Variants in FSHR observed in about 807,000 individuals in gnomAD.
FSHR encodes follicle stimulating hormone receptor.
FSHR carries 46 observed loss-of-function variants against 52.1 expected under a neutral mutation model. That is an observed-to-expected ratio of 0.88 (90% CI 0.70 to 1.13). FSHR has a LOEUF of 1.13. FSHR is among the 50% of genes most tolerant of loss of function. The pLI, the probability that FSHR is intolerant of heterozygous loss-of-function variation, is 0.00. For missense variants in FSHR, 964 were observed against 834.6 expected (o/e 1.16, Z -1.91); for synonymous variants, 399 against 309.6 (o/e 1.29, Z -3.03).
intron 2 of FSHR, among the ~76,000 whole-genome samples, chr2:49,037,288 T>G (rs764928052): frequency 6.6e-6 from 1 of 152,234 alleles, no homozygotes; most frequent in Non-Finnish European, 1.5e-5. Context: ...CTAATTTAAA[T>G]GTTATAACAG....
intron 2 of FSHR, among the ~76,000 whole-genome samples, chr2:49,063,869 G>A (rs1365382586): frequency 2.0e-5 from 3 of 152,014 alleles, no homozygotes; most frequent in Admixed American, 2.0e-4. Context: ...TGAGGTGTGA[G>A]ATATGTTAAT....
chr2:49,063,334 G>A (rs1182345525), intron 2 of FSHR, among the ~76,000 whole-genome samples: 1 of 152,070 alleles, frequency 6.6e-6, no homozygotes, highest in Non-Finnish European at 1.5e-5. Flanking sequence ...ATATGTCAAA[G>A]ACCTATTTGC....
intron 1 of FSHR, among the ~76,000 whole-genome samples, chr2:49,095,458 C>G (rs1013705827): frequency 6.6e-6 from 1 of 152,066 alleles, no homozygotes; most frequent in Non-Finnish European, 1.5e-5. Flanking sequence ...TACCTCACAT[C>G]GTTTGTAAAT....
intron 2 of FSHR, among the ~76,000 whole-genome samples, chr2:49,066,121 G>A (rs1355458731): frequency 6.6e-6 from 1 of 152,150 alleles, no homozygotes; most frequent in African/African-American, 2.4e-5. Flanking sequence ...GAGAGGCAGT[G>A]AATGTAGGCA....
At chr2:49,060,852 T>A (rs1669263988) in intron 2 of FSHR, among the ~76,000 whole-genome samples, 1 of 152,174 alleles carries the variant, frequency 6.6e-6, no homozygotes, top group African/African-American at 2.4e-5. Flanking sequence ...TTTGCCATTC[T>A]GGGATACTTG....
At chr2:48,977,306 T>G (rs1471353946) in intron 8 of FSHR, among the ~76,000 whole-genome samples, 1 of 152,154 alleles carries the variant, frequency 6.6e-6, no homozygotes, top group Non-Finnish European at 1.5e-5. Context: ...TGGGACGGGA[T>G]TAGATCTCTG....
chr2:49,090,757 T>C (rs1670575699), intron 1 of FSHR, among the ~76,000 whole-genome samples: 1 of 152,234 alleles, frequency 6.6e-6, no homozygotes, highest in African/African-American at 2.4e-5. Flanking sequence ...CCAGGTGCTC[T>C]ACATCCTTGT....
chr2:49,127,808 C>G (rs867908907), intron 1 of FSHR, among the ~76,000 whole-genome samples: 1 of 57,662 alleles, frequency 1.7e-5, no homozygotes, highest in Non-Finnish European at 3.1e-5. Context: ...TCTTCTTCTT[C>G]TTCTTCTTCT....
chr2:49,075,632 CT>C lies in FSHR; in HGVS notation c.153-7343del, dbSNP rs554843887. On this transcript the variant is annotated intron_variant, in intron 1 of 9. Transcript: ENST00000406846. ...AGAACTCTACAATTTTATAACATTA[CT>C]TTTTTTTTTCTTTTGAGACAGTCTT... Among the ~76,000 whole-genome samples the C allele has an allele frequency of 1.4e-3, 207 of 149,828 alleles. No individual in the cohort carries two copies. The Middle Eastern group carries it at 0.031, about 23-fold the overall frequency.
At chr2:49,036,296 A>C (rs1668269151) in intron 2 of FSHR, among the ~76,000 whole-genome samples, 1 of 152,108 alleles carries the variant, frequency 6.6e-6, no homozygotes, top group Non-Finnish European at 1.5e-5. Context: ...CACCAAAAAA[A>C]GGTTAGACTT....
intron 5 of FSHR, 28 bp downstream of exon 5, chr2:48,990,538 T>C: frequency 7.0e-7 from 1 of 1,430,972 alleles, no homozygotes; most frequent in African/African-American, 1.4e-5. Flanking sequence ...GAGTAAAGAG[T>C]TGGTAGTCAC....
intron 8 of FSHR, among the ~76,000 whole-genome samples, chr2:48,973,643 G>C (rs1414817534): frequency 1.3e-5 from 2 of 152,158 alleles, no homozygotes; most frequent in Admixed American, 1.3e-4. Context: ...TTATGTACTA[G>C]CTATTTGTAT....
At chr2:49,043,867 G>T (rs1054101283) in intron 2 of FSHR, among the ~76,000 whole-genome samples, 1 of 152,030 alleles carries the variant, frequency 6.6e-6, no homozygotes, top group Admixed American at 6.6e-5. Context: ...ATTAATATCC[G>T]CCACTCAGAA....
intron 2 of FSHR, among the ~76,000 whole-genome samples, chr2:49,061,038 C>T (rs955216419): frequency 1.3e-5 from 2 of 152,056 alleles, no homozygotes; most frequent in African/African-American, 4.8e-5. Context: ...TCCAGATTAC[C>T]CCTTCTTCTG....
chr2:49,082,680 A>G lies in FSHR; in HGVS notation c.153-14390T>C, dbSNP rs367844572. 4.2e-3 allele frequency among the ~76,000 whole-genome samples: 638 copies of G among 152,290 alleles called. 5 individuals are homozygous for G. Among genetic ancestry groups the G allele is most frequent in the African/African-American group, 0.015 (604 of 41,554 alleles). ...CTGATGGAGCTGAAAACCAAGGCTC[A>G]AGAACTACGTGAAGAATGCAGAAGC... On this transcript the variant is annotated intron_variant, in intron 1 of 9. Transcript: ENST00000406846.
intron 1 of FSHR, 104 bp downstream of exon 1, chr2:49,154,162 G>T: frequency 7.7e-7 from 1 of 1,290,942 alleles, no homozygotes; most frequent in Non-Finnish European, 1.1e-6. Flanking sequence ...TCAAGGGGCA[G>T]AAATATTTCA....
In FSHR at chr2:49,006,737, G is replaced by A. The variant is rs139444115; in HGVS notation, c.374+10752C>T. Among the ~76,000 whole-genome samples, 19 of 152,190 alleles carry A rather than the reference G, an allele frequency of 1.2e-4. No homozygotes were observed. The East Asian group carries it at 2.3e-3, about 19-fold the overall frequency. Reference sequence around the variant, plus strand: ...GGTATTGCTATTTCCAGGGGTTAACGTTTGATAGACTTTTCTCCCCAAAGG... The same window carrying A: ...GGTATTGCTATTTCCAGGGGTTAACATTTGATAGACTTTTCTCCCCAAAGG... On this transcript the variant is annotated intron_variant, in intron 4 of 9. Transcript: ENST00000406846.
chr2:49,036,144 A>C (rs746364515), intron 2 of FSHR, among the ~76,000 whole-genome samples: 16 of 152,232 alleles, frequency 1.1e-4, no homozygotes, highest in Non-Finnish European at 1.5e-4. Context: ...GACATTAATC[A>C]ACATCTGTAG....
intron 1 of FSHR, among the ~76,000 whole-genome samples, chr2:49,126,916 C>T (rs766784902): frequency 6.6e-6 from 1 of 152,150 alleles, no homozygotes; most frequent in Non-Finnish European, 1.5e-5. Context: ...CTAAATTCAT[C>T]AGACAGAAAG....
Sources: gnomAD v4.1 joint callset for allele counts (sites outside exome capture counted in the v4.1 genomes callset) on GRCh38, gnomAD v4.1.1 for gene constraint, MANE v1.5 for transcripts, NCBI Gene and HGNC (gene_info 2026-07-23, HGNC 2026-07-21) for gene names.